The following ZBTB7C variants were observed in gnomAD, a reference collection of about 807,000 sequenced individuals.
ZBTB7C encodes the protein zinc finger and BTB domain-containing protein 7C.
Under a neutral mutation model 25.7 loss-of-function variants are expected in ZBTB7C, and 8 were observed. That is an observed-to-expected ratio of 0.31 (90% CI 0.18 to 0.56). ZBTB7C has a LOEUF of 0.56. ZBTB7C is among the 20% of genes least tolerant of loss of function. The pLI is 0.91. For synonymous variants in ZBTB7C, 394 were observed against 369.0 expected, an observed-to-expected ratio of 1.07 and a Z score of -0.78; for missense variants, 824 against 855.2, an observed-to-expected ratio of 0.96 and a Z score of 0.46.
At chr18:48,032,410 C>T (rs1349802735) in intron 4 of ZBTB7C, among the ~76,000 whole-genome samples, 3 of 142,122 alleles carry the variant, frequency 2.1e-5, no homozygotes, top group Non-Finnish European at 4.5e-5. Context: ...CCACTGTGCC[C>T]GGACAAGGTA....
intron 2 of ZBTB7C, among the ~76,000 whole-genome samples, chr18:48,214,171 T>A (rs1318839062): frequency 2.6e-5 from 4 of 152,256 alleles, no homozygotes; most frequent in Non-Finnish European, 5.9e-5. Flanking sequence ...TTAATTATTT[T>A]AAGTGTACAG....
At chr18:48,393,838 A>T (rs561747217) in intron 1 of ZBTB7C, among the ~76,000 whole-genome samples, 24 of 152,170 alleles carry the variant, frequency 1.6e-4, no homozygotes, top group Non-Finnish European at 3.4e-4. Context: ...TGCTTTCAGG[A>T]AGACGAGACC....
chr18:48,371,006 G>C (rs1283200274), intron 1 of ZBTB7C, among the ~76,000 whole-genome samples: 3 of 152,166 alleles, frequency 2.0e-5, no homozygotes, highest in Non-Finnish European at 4.4e-5. Flanking sequence ...ACACATTACT[G>C]GAAGGACACG....
intron 2 of ZBTB7C, among the ~76,000 whole-genome samples, chr18:48,239,172 C>G (rs1445295356): frequency 1.6e-4 from 25 of 152,174 alleles, no homozygotes; most frequent in Admixed American, 1.6e-3. Context: ...AAGCCCCACT[C>G]AAGGAGAGTC....
intron 3 of ZBTB7C, among the ~76,000 whole-genome samples, chr18:48,093,357 C>G (rs1249887682): frequency 6.6e-6 from 1 of 152,206 alleles, no homozygotes; most frequent in African/African-American, 2.4e-5. Context: ...AGGGCAGCCC[C>G]CAACATGCAG....
chr18:48,071,280 T>C (rs2037531003), intron 3 of ZBTB7C, among the ~76,000 whole-genome samples: 1 of 152,190 alleles, frequency 6.6e-6, no homozygotes, highest in Non-Finnish European at 1.5e-5. Flanking sequence ...TGGTCATTTA[T>C]AATTTTGAGT....
chr18:48,188,707 C>A (rs2042121769), intron 2 of ZBTB7C, among the ~76,000 whole-genome samples: 1 of 152,188 alleles, frequency 6.6e-6, no homozygotes. Context: ...ACTCAGCCTC[C>A]TTCCACTTAG....
intron 1 of ZBTB7C, among the ~76,000 whole-genome samples, chr18:48,357,487 C>T: frequency 6.6e-6 from 1 of 152,230 alleles, no homozygotes. Context: ...AGTAAACAAG[C>T]CTGCTCAGCG....
chr18:48,401,693 C>T (rs117863718), intron 1 of ZBTB7C, among the ~76,000 whole-genome samples: 6,396 of 152,108 alleles, frequency 0.042, 180 homozygotes, highest in Non-Finnish European at 0.068. Context: ...TTGAAGAGTC[C>T]CCATCTCTTG....
At chr18:48,206,923 C>T (rs999887383) in intron 2 of ZBTB7C, among the ~76,000 whole-genome samples, 6 of 152,076 alleles carry the variant, frequency 3.9e-5, no homozygotes, top group African/African-American at 9.6e-5. Context: ...AGAGTAAAAA[C>T]GCAAGCTGTA....
intron 3 of ZBTB7C, among the ~76,000 whole-genome samples, chr18:48,086,773 G>A (rs765549793): frequency 1.3e-5 from 2 of 152,168 alleles, no homozygotes; most frequent in Non-Finnish European, 2.9e-5. Context: ...TTAAGTGAAC[G>A]AATGTGTGAT....
intron 2 of ZBTB7C, among the ~76,000 whole-genome samples, chr18:48,320,841 G>A (rs1486594267): frequency 6.6e-6 from 1 of 152,166 alleles, no homozygotes; most frequent in African/African-American, 2.4e-5. Flanking sequence ...CCTACAGCCA[G>A]CCTGACCAGA....
intron 2 of ZBTB7C, among the ~76,000 whole-genome samples, chr18:48,327,983 C>T (rs904167735): frequency 3.5e-4 from 53 of 151,774 alleles, no homozygotes; most frequent in Non-Finnish European, 6.6e-4. Flanking sequence ...CCGAGGCGGG[C>T]GGATCACGAG....
At chr18:48,292,794 A>G (rs1166762308) in intron 2 of ZBTB7C, among the ~76,000 whole-genome samples, 1 of 152,244 alleles carries the variant, frequency 6.6e-6, no homozygotes, top group East Asian at 1.9e-4. Flanking sequence ...ATGGAGTGGT[A>G]TGGAAAACAG....
rs554976018 is a variant in ZBTB7C, at chr18:48,329,138, A to G, written c.-79+9036T>C. Among the ~76,000 whole-genome samples, 14 of 152,338 alleles carry G rather than the reference A, an allele frequency of 9.2e-5. No individual in the cohort carries two copies. In the South Asian group the frequency reaches 2.9e-3, roughly 32 times the overall value. On this transcript the variant is annotated intron_variant, in intron 2 of 4. Transcript: ENST00000590800. ...CTTTAAGAAGTCTCTCTCTAATATAAAAATAATCACCACCATCTCCTCAAA... is the reference window on the plus strand; with the variant it reads ...CTTTAAGAAGTCTCTCTCTAATATAGAAATAATCACCACCATCTCCTCAAA...
At chr18:48,162,292 T>G (rs914649297) in intron 3 of ZBTB7C, 4 of 448,056 alleles carry the variant, frequency 8.9e-6, no homozygotes, top group African/African-American at 6.0e-5. Flanking sequence ...CCAGCAACAG[T>G]GGAGGCAGGG....
chr18:48,077,494 A>C (rs922142936), intron 3 of ZBTB7C, among the ~76,000 whole-genome samples: 1 of 152,224 alleles, frequency 6.6e-6, no homozygotes, highest in Non-Finnish European at 1.5e-5. Context: ...GGCACACCCT[A>C]TCCAACTTGG....
intron 3 of ZBTB7C, among the ~76,000 whole-genome samples, chr18:48,123,537 G>A (rs1345892083): frequency 6.6e-6 from 1 of 152,234 alleles, no homozygotes; most frequent in Non-Finnish European, 1.5e-5. Context: ...GGCATAAGTG[G>A]TAGGGCTGGC....
intron 3 of ZBTB7C, among the ~76,000 whole-genome samples, chr18:48,133,700 G>A (rs2040057890): frequency 2.0e-5 from 3 of 151,116 alleles, no homozygotes; most frequent in South Asian, 2.1e-4. Context: ...TAAATCCTCC[G>A]TGGAAGTTAC....
Sources: gnomAD v4.1 joint callset for allele counts (sites outside exome capture counted in the v4.1 genomes callset) on GRCh38, gnomAD v4.1.1 for gene constraint, MANE v1.5 for transcripts, NCBI Gene and HGNC (gene_info 2026-07-23, HGNC 2026-07-21) for gene names.